The following DAB2IP variants were observed in gnomAD, a reference collection of about 807,000 sequenced individuals.
DAB2IP encodes disabled homolog 2-interacting protein.
In DAB2IP, 28 loss-of-function variants were observed where a neutral mutation model predicts 107.2. The ratio of observed to expected loss-of-function variants is 0.26; its 90% CI spans 0.19 to 0.36. The LOEUF is 0.36. Among genes scored for constraint, DAB2IP ranks in the 10% least tolerant of loss-of-function variants. The pLI is 1.00. For synonymous variants in DAB2IP, 755 were observed against 706.4 expected (o/e 1.07, Z -1.09); for missense variants, 1,400 against 1,644.7 (o/e 0.85, Z 2.57).
intron 1 of DAB2IP, among the ~76,000 whole-genome samples, chr9:121,621,748 G>A (rs1246665465): frequency 1.4e-5 from 2 of 146,994 alleles, no homozygotes; most frequent in East Asian, 4.1e-4. Context: ...CATTTTTCAA[G>A]CAATTCTCCT....
intron 3 of DAB2IP, among the ~76,000 whole-genome samples, chr9:121,747,782 G>C (rs1263280279): frequency 1.3e-5 from 2 of 151,612 alleles, no homozygotes; most frequent in African/African-American, 4.9e-5. Context: ...AATTATTCAG[G>C]CTGCAGGATG....
At chr9:121,766,198 G>A (rs544646927) in intron 8 of DAB2IP, among the ~76,000 whole-genome samples, 3 of 152,298 alleles carry the variant, frequency 2.0e-5, no homozygotes, top group East Asian at 1.9e-4. Context: ...CGGTTAGGAC[G>A]GAGAGCCAGC....
chr9:121,721,996 G>A (rs1830964611), intron 3 of DAB2IP, among the ~76,000 whole-genome samples: 1 of 152,202 alleles, frequency 6.6e-6, no homozygotes, highest in East Asian at 1.9e-4. Flanking sequence ...TGCCCTGAGA[G>A]CCTCCAGCTG....
chr9:121,773,334 C>G, exon 12 of DAB2IP: 1 of 1,559,426 alleles, frequency 6.4e-7, no homozygotes, highest in South Asian at 1.2e-5. Flanking sequence ...CGGCCGGACG[C>G]CCCCCAACCT....
chr9:121,714,280 A>T (rs1385639252), intron 3 of DAB2IP, among the ~76,000 whole-genome samples: 2 of 152,212 alleles, frequency 1.3e-5, no homozygotes, highest in Non-Finnish European at 2.9e-5. Context: ...TGGTCTGCCT[A>T]ATTGCTCTGT....
chr9:121,773,598 C>T, intron 12 of DAB2IP, 103 bp downstream of exon 12: 1 of 1,293,924 alleles, frequency 7.7e-7, no homozygotes, highest in Non-Finnish European at 9.8e-7. Flanking sequence ...CCTCCACCCT[C>T]ACCCAGCTGC....
exon 8 of DAB2IP, chr9:121,763,855 T>G: frequency 1.2e-6 from 2 of 1,614,082 alleles, no homozygotes; most frequent in Non-Finnish European, 1.7e-6. Context: ...GAGCTGGCCT[T>G]CTGCAAGATC....
upstream of DAB2IP, among the ~76,000 whole-genome samples, chr9:121,650,081 ATTC>A (rs998758622): frequency 7.2e-5 from 11 of 152,290 alleles, no homozygotes; most frequent in South Asian, 2.1e-4. Context: ...TGGCCTGACA[ATTC>A]TTCTTCTTCC....
At chr9:121,630,715 C>T (rs928529691) in intron 1 of DAB2IP, among the ~76,000 whole-genome samples, 1 of 151,782 alleles carries the variant, frequency 6.6e-6, no homozygotes, top group Admixed American at 6.6e-5. Flanking sequence ...TCAAGCAATT[C>T]TCCTGCCTCA....
intron 1 of DAB2IP, among the ~76,000 whole-genome samples, chr9:121,669,592 CTA>C (rs1263685092): frequency 1.3e-5 from 2 of 152,134 alleles, no homozygotes; most frequent in Non-Finnish European, 2.9e-5. Context: ...AGAGGCAAGT[CTA>C]TAACTGTGTA....
intron 1 of DAB2IP, among the ~76,000 whole-genome samples, chr9:121,571,732 G>A (rs550071564): frequency 6.6e-5 from 10 of 152,202 alleles, no homozygotes; most frequent in African/African-American, 2.4e-4. Flanking sequence ...AGTTCTGGAG[G>A]CCTAAGCCTC....
intron 10 of DAB2IP, 22 bp from the exon 11 acceptor site, chr9:121,770,523 TG>T: frequency 6.2e-7 from 1 of 1,607,184 alleles, no homozygotes; most frequent in Non-Finnish European, 8.5e-7. Flanking sequence ...AGGTCACACC[TG>T]CCTCTTGCTG....
intron 1 of DAB2IP, among the ~76,000 whole-genome samples, chr9:121,617,280 G>T (rs984054980): frequency 2.0e-5 from 3 of 152,020 alleles, no homozygotes; most frequent in African/African-American, 7.2e-5. Flanking sequence ...GCCGAGATTG[G>T]GCCACTGCAC....
intron 1 of DAB2IP, among the ~76,000 whole-genome samples, chr9:121,642,483 T>C (rs374128262): frequency 1.0e-4 from 13 of 126,892 alleles, no homozygotes; most frequent in African/African-American, 3.8e-4. Context: ...ACCTGGCTTT[T>C]TTTTCTTTTT....
At chr9:121,579,178 C>T (rs1249658216) in intron 1 of DAB2IP, among the ~76,000 whole-genome samples, 1 of 152,158 alleles carries the variant, frequency 6.6e-6, no homozygotes, top group African/African-American at 2.4e-5. Flanking sequence ...TACCCTGGTA[C>T]TCCTGTCACA....
chr9:121,690,866 A>G (rs1829126736), intron 2 of DAB2IP, among the ~76,000 whole-genome samples: 1 of 152,102 alleles, frequency 6.6e-6, no homozygotes, highest in Non-Finnish European at 1.5e-5. Context: ...GGGACCTGTG[A>G]TAACTCCAGG....
At chr9:121,778,981 TC>T (rs1158347370) in intron 14 of DAB2IP, among the ~76,000 whole-genome samples, 4 of 152,162 alleles carry the variant, frequency 2.6e-5, no homozygotes, top group African/African-American at 9.7e-5. Flanking sequence ...CAGTCCCACC[TC>T]CCCCCATTTC....
At chr9:121,583,392 A>G (rs1237945035) in intron 1 of DAB2IP, among the ~76,000 whole-genome samples, 1 of 152,212 alleles carries the variant, frequency 6.6e-6, no homozygotes. Flanking sequence ...CTCTGTTTAA[A>G]AAACAAAAAA....
chr9:121,765,558 G>A (rs960888945), intron 8 of DAB2IP, among the ~76,000 whole-genome samples: 1 of 152,202 alleles, frequency 6.6e-6, no homozygotes. Context: ...ATGGCTCTGT[G>A]AGCTTGGCAG....
Sources: gnomAD v4.1 joint callset for allele counts (sites outside exome capture counted in the v4.1 genomes callset) on GRCh38, gnomAD v4.1.1 for gene constraint, MANE v1.5 for transcripts, NCBI Gene and HGNC (gene_info 2026-07-23, HGNC 2026-07-21) for gene names.